DENND2B: variants seen among roughly 807,000 people sequenced by gnomAD.
The protein encoded by DENND2B is DENN domain-containing protein 2B.
DENND2B carries 32 observed loss-of-function variants against 116.0 expected under a neutral mutation model. That is an observed-to-expected ratio of 0.28 (90% CI 0.21 to 0.37). DENND2B has a LOEUF of 0.37. DENND2B is among the 10% of genes least tolerant of loss of function. DENND2B has a pLI of 1.00. For missense variants in DENND2B, 1,276 were observed against 1,477.7 expected, an observed-to-expected ratio of 0.86 and a Z score of 2.24; for synonymous variants, 588 against 583.9, an observed-to-expected ratio of 1.01 and a Z score of -0.10.
At chr11:8,703,056 A>T in intron 13 of DENND2B, 1 of 284,780 alleles carries the variant, frequency 3.5e-6, no homozygotes, top group East Asian at 8.4e-5. Flanking sequence ...CCACACAGCC[A>T]CATCTCTAGG....
intron 13 of DENND2B, among the ~76,000 whole-genome samples, chr11:8,706,485 C>T (rs1481355034): frequency 2.0e-5 from 3 of 150,586 alleles, no homozygotes. Flanking sequence ...TTCTCCCGTT[C>T]ATATCCTTCT....
At chr11:8,843,313 C>T (rs1306928131) in intron 3 of DENND2B, among the ~76,000 whole-genome samples, 1 of 152,056 alleles carries the variant, frequency 6.6e-6, no homozygotes, top group East Asian at 1.9e-4. Context: ...CGGCCGGAGT[C>T]ACTCGTCTTA....
chr11:8,872,294 C>G (rs528950215), upstream of DENND2B, among the ~76,000 whole-genome samples: 12 of 152,182 alleles, frequency 7.9e-5, no homozygotes, highest in Middle Eastern at 3.4e-3. Context: ...CAAGACCAGC[C>G]TGGCCAACAT....
intron 1 of DENND2B, among the ~76,000 whole-genome samples, chr11:8,754,045 A>ACG: frequency 6.6e-6 from 1 of 152,106 alleles, no homozygotes; most frequent in Admixed American, 6.5e-5. Context: ...ACACACACAC[A>ACG]CACACACACA....
At chr11:8,818,509 C>A (rs1446175806) in intron 4 of DENND2B, among the ~76,000 whole-genome samples, 1 of 152,074 alleles carries the variant, frequency 6.6e-6, no homozygotes, top group East Asian at 1.9e-4. Flanking sequence ...CTGGGCAAGG[C>A]TGTAGGAAGT....
At chr11:8,710,951 A>G (rs746821119) in intron 10 of DENND2B, 37 bp from the exon 11 acceptor site, 4 of 1,611,718 alleles carry the variant, frequency 2.5e-6, no homozygotes, top group Middle Eastern at 1.6e-4. Context: ...GGGAGGTGTG[A>G]GAGGACCTAG....
intron 11 of DENND2B, among the ~76,000 whole-genome samples, chr11:8,710,261 T>G (rs1250052988): frequency 6.6e-6 from 1 of 152,128 alleles, no homozygotes; most frequent in Admixed American, 6.6e-5. Context: ...GTGAGGGACT[T>G]CTCTTTACAA....
At chr11:8,732,437 G>A (rs531213192) in intron 2 of DENND2B, among the ~76,000 whole-genome samples, 117 of 152,334 alleles carry the variant, frequency 7.7e-4, no homozygotes, top group African/African-American at 2.6e-3. Context: ...TCTCTGAAGA[G>A]GAAGCAGTGC....
chr11:8,702,707 C>G lies in DENND2B; in HGVS notation c.2585G>C (p.Arg862Pro). Residue 862 changes from arginine to proline, a missense_variant, in exon 14 of 20, where the codon CGG (arginine) becomes CCG (proline). Around this residue, in one of 2 missense-constraint regions of DENND2B, gnomAD observed 420 missense variants for 631.1 expected, o/e 0.67. Transcript: ENST00000313726. This position sits in a 1 kb window ranked among gnomAD's most constrained non-coding sequence, Gnocchi z 4.6. ...PGAGNEVLEL[R>P]RPMDSRLEHV... ...CTCCAGCCTTGAGTCCATGGGCCGC[C>G]GCAGCTCTAACACCTGCAGGAGAGC... 1.2e-6 allele frequency: 2 copies of G among 1,613,352 alleles called. No homozygotes were observed. Among genetic ancestry groups the G allele is most frequent in the Non-Finnish European group, 1.7e-6 (2 of 1,179,888 alleles).
At chr11:8,724,421 G>A (rs1005428506) in intron 4 of DENND2B, among the ~76,000 whole-genome samples, 1 of 152,168 alleles carries the variant, frequency 6.6e-6, no homozygotes, top group African/African-American at 2.4e-5. Context: ...ACAGAGGCAA[G>A]ACAGGGACAT....
At chr11:8,777,841 T>C in intron 1 of DENND2B, among the ~76,000 whole-genome samples, 1 of 152,166 alleles carries the variant, frequency 6.6e-6, no homozygotes, top group South Asian at 2.1e-4. Flanking sequence ...TCATCATCCA[T>C]CCTCCCTGTA....
Position 8,731,174 on chromosome 11 carries a change from G to C in DENND2B, c.116C>G (p.Pro39Arg). ...QSVSPPPVLSPPRSPIYPLSD... is the reference protein window; with the variant it reads ...QSVSPPPVLSRPRSPIYPLSD... Reference sequence around the variant, plus strand: ...GAGCGGGTAGATGGGACTCCTTGGTGGGGAGAGAACTGGAGGTGGAGAGAC... The same window carrying C: ...GAGCGGGTAGATGGGACTCCTTGGTCGGGAGAGAACTGGAGGTGGAGAGAC... The change falls in exon 3 of 20, where the codon CCA becomes CGA. Residue 39 changes from proline (P) to arginine (R), a missense_variant. Physicochemically the swap from Pro to Arg is moderately radical, Grantham distance 103 (BLOSUM62 -2). This residue lies in a region of DENND2B where 856 missense variants were observed against 846.6 expected (regional missense o/e 1.01). Coordinates refer to ENST00000313726, the MANE Select transcript of DENND2B (RefSeq NM_213618.2). 6.5e-7 allele frequency: 1 copy of C among 1,536,166 alleles called. No individual in the cohort carries two copies. Among genetic ancestry groups the C allele is most frequent in the Non-Finnish European group, 8.8e-7 (1 of 1,141,892 alleles).
At chr11:8,827,489 G>GACAC (rs2062022881) in intron 4 of DENND2B, among the ~76,000 whole-genome samples, 1 of 152,210 alleles carries the variant, frequency 6.6e-6, no homozygotes. Context: ...AGTAATGCAT[G>GACAC]ACACAGCTCT....
chr11:8,784,373 G>A (rs938287671), intron 1 of DENND2B, among the ~76,000 whole-genome samples: 4 of 151,250 alleles, frequency 2.6e-5, no homozygotes, highest in Non-Finnish European at 5.9e-5. Flanking sequence ...GCTGCAGTGA[G>A]TGGTGACTGT....
chr11:8,867,736 A>C (rs2568063), intron 2 of DENND2B, among the ~76,000 whole-genome samples: 142,057 of 151,890 alleles, frequency 0.94, 67,150 homozygotes, highest in East Asian at 1. Flanking sequence ...GCACATGCCA[A>C]CATGCATGAT....
At chr11:8,765,032 A>G (rs2055423102) in intron 1 of DENND2B, among the ~76,000 whole-genome samples, 1 of 151,582 alleles carries the variant, frequency 6.6e-6, no homozygotes. Flanking sequence ...TCAAAATCCC[A>G]TTTTTCTTTA....
intron 2 of DENND2B, among the ~76,000 whole-genome samples, chr11:8,869,563 G>A (rs1291146811): frequency 6.6e-6 from 1 of 152,030 alleles, no homozygotes; most frequent in Non-Finnish European, 1.5e-5. Context: ...TCGGGAGGCT[G>A]AGGCAGGAGA....
At chr11:8,888,788 C>G (rs1483106493) in intron 1 of DENND2B, among the ~76,000 whole-genome samples, 2 of 152,046 alleles carry the variant, frequency 1.3e-5, no homozygotes, top group Non-Finnish European at 2.9e-5. Context: ...AAATAAGATA[C>G]AAAAACAGCC....
At chr11:8,708,726 T>C (rs1045602454) in intron 11 of DENND2B, among the ~76,000 whole-genome samples, 1 of 150,668 alleles carries the variant, frequency 6.6e-6, no homozygotes, top group Non-Finnish European at 1.5e-5. Flanking sequence ...CCAAGGGAGG[T>C]GGATCACCTG....
Sources: allele counts gnomAD v4.1 joint callset (sites outside exome capture counted in the v4.1 genomes callset), GRCh38; gene constraint gnomAD v4.1.1; regional missense constraint gnomAD v4.1.1; non-coding constraint Gnocchi (gnomAD v3.1); transcripts MANE v1.5; gene names NCBI Gene and HGNC (gene_info 2026-07-23, HGNC 2026-07-21).